Variants in LAMA5 observed in about 807,000 individuals in gnomAD.
LAMA5 encodes the protein laminin subunit alpha 5.
LAMA5 carries 260 observed loss-of-function variants against 433.4 expected under a neutral mutation model. The ratio of observed to expected loss-of-function variants is 0.60; its 90% confidence interval spans 0.54 to 0.66. LAMA5 has a LOEUF of 0.66. Ranked by LOEUF, LAMA5 falls within the 30% of genes least tolerant of loss-of-function variation. LAMA5 has a pLI of 0.00. For missense variants in LAMA5, 5,378 were observed against 5,258.5 expected (o/e 1.02, Z -0.70); for synonymous variants, 2,620 against 2,226.6 (o/e 1.18, Z -4.97).
chr20:62,356,668 C>T (rs1985287585), intron 2 of LAMA5, among the ~76,000 whole-genome samples: 1 of 151,934 alleles, frequency 6.6e-6, no homozygotes, highest in Admixed American at 6.6e-5. Context: ...GCAAGAGCCC[C>T]AGGAGTACGG....
chr20:62,334,913 C>CG, intron 20 of LAMA5, 108 bp downstream of exon 20: 1 of 1,037,604 alleles, frequency 9.6e-7, no homozygotes, highest in Non-Finnish European at 1.4e-6. Context: ...ATCCATCACC[C>CG]GGGCTTCATG....
Position 62,317,373 on chromosome 20 carries a change from G to A in LAMA5, c.7483C>T (p.Leu2495=), listed in dbSNP as rs1353646152. Residue 2495 remains leucine (L), a synonymous_variant, in exon 55 of 80, where the codon CTG becomes TTG. Transcript: ENST00000252999. The part of the protein sequence containing the change: ...VEAAEAHAQQ[L]GQLALNLSSI... ...GACAGATTGAGTGCCAGCTGGCCCA[G>A]CTGCTGTGCGTGGGCCTCGGCGGCC... is the stretch of plus-strand genomic sequence containing the variant. 6 of 1,609,336 alleles carry A rather than the reference G, an allele frequency of 3.7e-6. 1 individual carries two copies. Among genetic ancestry groups the A allele is most frequent in the South Asian group, 3.3e-5 (3 of 90,802 alleles).
intron 1 of LAMA5, 114 bp from the exon 2 acceptor site, chr20:62,362,666 C>G: frequency 7.4e-6 from 7 of 944,038 alleles, no homozygotes; most frequent in Non-Finnish European, 1.0e-5. Context: ...TGGTTCCACG[C>G]CCAGCCTCTG....
chr20:62,314,942 T>A lies in LAMA5; in HGVS notation c.8053A>T (p.Thr2685Ser), dbSNP rs757466089. The A allele has an allele frequency of 1.3e-6, 2 of 1,599,856 alleles. No homozygotes were observed. The highest frequency in any genetic ancestry group is 1.7e-6 in the Non-Finnish European group (2 of 1,176,796). ...AVLDAGHSVSTLEKTLPQLLA... is the reference protein window; with the variant it reads ...AVLDAGHSVSSLEKTLPQLLA... ...AGCTGGGGCAGCGTCTTCTCCAGGGTGGACACTGCAGAGAGGGAGACCTGA... is the reference window on the plus strand; with the variant it reads ...AGCTGGGGCAGCGTCTTCTCCAGGGAGGACACTGCAGAGAGGGAGACCTGA... The change falls in exon 60 of 80, where the codon ACC becomes TCC. Residue 2685 changes from threonine to serine, a missense_variant. Coordinates refer to ENST00000252999, the MANE Select transcript of LAMA5 (RefSeq NM_005560.6).
chr20:62,346,883 G>A (rs1310697685), intron 7 of LAMA5, 30 bp downstream of exon 7: 10 of 1,609,746 alleles, frequency 6.2e-6, no homozygotes, highest in East Asian at 2.2e-5. Context: ...GGTGTGGGCA[G>A]GACACACGTG....
In LAMA5 at chr20:62,326,756, T is replaced by C. The variant is rs1470810268; in HGVS notation, c.5219A>G (p.Asn1740Ser). The C allele has an allele frequency of 6.2e-7, 1 of 1,612,952 alleles. No homozygotes were observed. Among genetic ancestry groups the C allele is most frequent in the South Asian group, 1.1e-5 (1 of 91,080 alleles). ...ESRPDVVLQG[N>S]QMSITFLEPA... is the part of the protein sequence containing the mutation. ...CTCCAGGAATGTGATGCTCATCTGG[T>C]TGCCCTGGGAAGGCACATGGGGAGG... The change falls in exon 40 of 80, where the codon AAC becomes AGC. Residue 1740 changes from asparagine (N) to serine (S), a missense_variant. Asn to Ser is a conservative substitution (Grantham distance 46). Transcript: ENST00000252999.
rs773055763 is a variant in LAMA5 at position 62,332,363 on chromosome 20, G to A, written c.3552+9C>T. 3.8e-6 allele frequency: 6 copies of A among 1,588,474 alleles called. No individual in the cohort carries two copies. The highest frequency in any genetic ancestry group is 1.1e-5 in the South Asian group (1 of 90,568). ...GACCCCTTGGGGTGGGGACCTGAGG[G>A]GTCCTTACCAGGAAGAAGCGTGCCT... is the stretch of plus-strand genomic sequence containing the variant. On this transcript the variant is annotated intron_variant, in intron 28 of 79. Transcript: ENST00000252999.
chr20:62,312,920 G>A lies in LAMA5; in HGVS notation c.9046C>T (p.Pro3016Ser). 6.3e-7 allele frequency: 1 copy of A among 1,581,922 alleles called. No individual in the cohort carries two copies. Residue 3016 changes from proline (P) to serine (S), a missense_variant, in exon 66 of 80, where the codon CCC becomes TCC. Physicochemically the swap from Pro to Ser is moderately conservative, Grantham distance 74. Coordinates refer to ENST00000252999, the MANE Select transcript of LAMA5 (RefSeq NM_005560.6). Reference protein sequence around the residue: ...AGLKKAVPLQPPPPLTSASKA... With the variant: ...AGLKKAVPLQSPPPLTSASKA... The stretch of plus-strand genomic sequence containing the variant: ...CTGGCCGAGGTCAGGGGCGGTGGGG[G>A]CTGCAGTGGGACGGCCTTTTTCAGG...
At chr20:62,325,828 C>T (rs1979192202) in intron 40 of LAMA5, among the ~76,000 whole-genome samples, 1 of 152,220 alleles carries the variant, frequency 6.6e-6, no homozygotes, top group Non-Finnish European at 1.5e-5. Context: ...CCTTTCTGAT[C>T]AAGTAGTGAC....
chr20:62,318,400 G>T, intron 53 of LAMA5, 54 bp downstream of exon 53: 3 of 1,418,412 alleles, frequency 2.1e-6, no homozygotes, highest in Non-Finnish European at 2.9e-6. Flanking sequence ...GAGAGGGATT[G>T]CAGGGAGGAG....
chr20:62,315,886 CGCCACTGTCACAGA>C, intron 58 of LAMA5, 48 bp downstream of exon 58: 1 of 1,270,636 alleles, frequency 7.9e-7, no homozygotes, highest in South Asian at 1.3e-5. Flanking sequence ...ATGTGGCCAG[CGCCACTGTCACAGA>C]GCCTCATGGT....
chr20:62,335,250 CCT>C lies in LAMA5; in HGVS notation c.2341_2342del (p.Arg781GlyfsTer8), dbSNP rs1264547026. The stretch of plus-strand genomic sequence containing the variant: ...ACTCAGCAACTCCACCCAGTGTGCC[CCT>C]GAGGTCGCAGCTGCAGCCTGGGGAG... ...EGCTRCSCDL[R>X]GTLGGVAECQ... On this transcript the variant is annotated frameshift_variant, in exon 19 of 80. Transcript: ENST00000252999. LOFTEE classifies it high-confidence loss of function. 12 of 1,612,452 alleles carry C rather than the reference CCT, an allele frequency of 7.4e-6. No individual in the cohort carries two copies. Among genetic ancestry groups the C allele is most frequent in the Non-Finnish European group, 9.3e-6 (11 of 1,179,518 alleles).
chr20:62,346,010 C>T, intron 10 of LAMA5, 71 bp downstream of exon 10: 1 of 1,599,774 alleles, frequency 6.3e-7, no homozygotes, highest in African/African-American at 1.3e-5. Context: ...GGGAACCCCT[C>T]CACCCCCTGC....
Position 62,366,812 on chromosome 20 carries a change from C to A in LAMA5, c.297+137G>T, listed in dbSNP as rs1299906466. 6 of 1,183,986 alleles carry A rather than the reference C, an allele frequency of 5.1e-6. No homozygotes were observed. In the African/African-American group the frequency reaches 9.5e-5, roughly 19 times the overall value. The allele number at this position is 1,183,986 out of a possible 1,614,324, so 73.3% of individuals were successfully genotyped here. ...CGGAGCGGCCGGGTCGGGGTGCCTTCTTGGGCCCCCAAAATGCGGAACCAG... is the reference window on the plus strand; with the variant it reads ...CGGAGCGGCCGGGTCGGGGTGCCTTATTGGGCCCCCAAAATGCGGAACCAG... On this transcript the variant is annotated intron_variant, in intron 1 of 79. Transcript: ENST00000252999.
chr20:62,312,016 C>T lies in LAMA5; in HGVS notation c.9539G>A (p.Arg3180His), dbSNP rs368068949. 34 of 1,612,508 alleles carry T rather than the reference C, an allele frequency of 2.1e-5. 1 individual carries two copies. Among genetic ancestry groups the T allele is most frequent in the South Asian group, 7.7e-5 (7 of 91,094 alleles). Residue 3180 changes from arginine (R) to histidine (H), a missense_variant, in exon 70 of 80, where the codon CGT becomes CAT. Transcript: ENST00000252999. ...GLCQVSLQQG[R>H]VSLQLLRTEV... ...AGTCCTCAGGAGCTGTAGGCTCACA[C>T]GGCCCTGCTGCAGGGACACCTGGCA...
At chr20:62,316,616 TG>T in intron 57 of LAMA5, 54 bp downstream of exon 57, 1 of 1,362,270 alleles carries the variant, frequency 7.3e-7, no homozygotes, top group South Asian at 1.4e-5. Flanking sequence ...TGAGGGTCCC[TG>T]GGAGCTCAGA....
intron 21 of LAMA5, 85 bp downstream of exon 21, chr20:62,334,437 G>A (rs1441862912): frequency 4.0e-6 from 6 of 1,514,194 alleles, no homozygotes; most frequent in South Asian, 2.5e-5. Context: ...GGCCTCACGT[G>A]GGCCCATGGT....
rs79913758 is a variant in LAMA5 at position 62,324,135 on chromosome 20, C to T, written c.5713G>A (p.Asp1905Asn). Reference sequence around the variant, plus strand: ...CAGCTGACACAGGGGGCGCTGGGGTCGTCCCTGCTGCTCACGAAGCCAGCC... The same window carrying T: ...CAGCTGACACAGGGGGCGCTGGGGTTGTCCCTGCTGCTCACGAAGCCAGCC... ...CQAGFVSSRDDPSAPCVSCPC... is the reference protein window; with the variant it reads ...CQAGFVSSRDNPSAPCVSCPC... The change falls in exon 43 of 80, where the codon GAC (aspartate) becomes AAC (asparagine). Residue 1905 changes from aspartate to asparagine, a missense_variant. Coordinates refer to ENST00000252999, the MANE Select transcript of LAMA5 (RefSeq NM_005560.6). This position sits in a 1 kb window ranked among gnomAD's most constrained non-coding sequence, Gnocchi z 4.4. 2.3e-3 allele frequency: 3,526 copies of T among 1,544,380 alleles called. 89 individuals carry two copies. The East Asian group carries it at 0.059, about 26-fold the overall frequency.
intron 45 of LAMA5, among the ~76,000 whole-genome samples, chr20:62,323,214 G>A (rs932153477): frequency 2.0e-5 from 3 of 147,942 alleles, no homozygotes; most frequent in Non-Finnish European, 4.5e-5. Flanking sequence ...GTGATGGTCC[G>A]GGGGAGGCCT....
Sources: allele counts gnomAD v4.1 joint callset (sites outside exome capture counted in the v4.1 genomes callset), GRCh38; gene constraint gnomAD v4.1.1; non-coding constraint Gnocchi (gnomAD v3.1); transcripts MANE v1.5; gene names NCBI Gene and HGNC (gene_info 2026-07-23, HGNC 2026-07-21).